CEP152: variants seen among roughly 807,000 people sequenced by gnomAD.
The protein encoded by CEP152 is centrosomal protein 152, also known as centrosomal protein of 152 kDa.
In CEP152, 132 loss-of-function variants were observed where a neutral mutation model predicts 188.9. The ratio of observed to expected loss-of-function variants is 0.70; its 90% confidence interval spans 0.61 to 0.81. The LOEUF (loss-of-function observed/expected upper bound fraction) is 0.81. CEP152 is among the 30% of genes least tolerant of loss of function. CEP152 has a pLI of 0.00. For synonymous variants in CEP152, 649 were observed against 666.6 expected, an observed-to-expected ratio of 0.97 and a Z score of 0.41; for missense variants, 1,914 against 1,969.8, an observed-to-expected ratio of 0.97 and a Z score of 0.54.
intron 6 of CEP152, 103 bp downstream of exon 6, chr15:48,795,907 T>C: frequency 9.3e-7 from 1 of 1,070,058 alleles, no homozygotes; most frequent in Middle Eastern, 2.1e-4. Context: ...TCTATTGTCA[T>C]ACTTAAAAAA....
At chr15:48,762,713 A>C (rs1282293271) in intron 17 of CEP152, 41 bp from the exon 18 acceptor site, 1 of 1,595,054 alleles carries the variant, frequency 6.3e-7, no homozygotes, top group African/African-American at 1.3e-5. Context: ...AACAATTTTC[A>C]AATAAGTAAA....
intron 9 of CEP152, among the ~76,000 whole-genome samples, chr15:48,787,700 T>G (rs1896752282): frequency 6.6e-6 from 1 of 152,162 alleles, no homozygotes; most frequent in South Asian, 2.1e-4. Flanking sequence ...CAAATCAGCA[T>G]GAATTTTAAG....
Position 48,762,510 on chromosome 15 carries a change from C to T in CEP152, c.2443G>A (p.Glu815Lys). 3 of 1,614,078 alleles carry T rather than the reference C, an allele frequency of 1.9e-6. No homozygotes were observed. The highest frequency in any genetic ancestry group is 2.5e-6 in the Non-Finnish European group (3 of 1,180,006). The part of the protein sequence containing the change: ...SKKEMAIMIE[E>K]QKCTIQQNLE... ...TTTTGCTGGATTGTGCACTTCTGCT[C>T]TTCTATCATAATTGCCATCTCTTTC... is the stretch of plus-strand genomic sequence containing the variant. Residue 815 changes from glutamate to lysine, a missense_variant, in exon 18 of 27, where the codon GAG (glutamate) becomes AAG (lysine). Transcript: ENST00000380950.
rs1895380553 is a variant in CEP152 at position 48,769,546 on chromosome 15, T to C, written c.1783-465A>G. 1.3e-5 allele frequency among the ~76,000 whole-genome samples: 2 copies of C among 152,232 alleles called. 1 individual carries two copies. The highest frequency in any genetic ancestry group is 4.1e-4 in the South Asian group (2 of 4,830). Reference sequence around the variant, plus strand: ...ATGTCAAGAACTGATATGTGCTCTTTGCAGGAGACACATGATATCACTATG... The same window carrying C: ...ATGTCAAGAACTGATATGTGCTCTTCGCAGGAGACACATGATATCACTATG... On this transcript the variant is annotated intron_variant, in intron 13 of 26. Coordinates refer to ENST00000380950, the MANE Select transcript of CEP152 (RefSeq NM_001194998.2).
At chr15:48,772,439 T>C in intron 13 of CEP152, 48 bp downstream of exon 13, 1 of 1,524,592 alleles carries the variant, frequency 6.6e-7, no homozygotes, top group Non-Finnish European at 9.0e-7. Context: ...AAGTTTTCTT[T>C]ATTGAGCCTT....
chr15:48,752,955 A>T (rs1893983302), intron 20 of CEP152, among the ~76,000 whole-genome samples: 1 of 152,356 alleles, frequency 6.6e-6, no homozygotes, highest in Admixed American at 6.5e-5. Flanking sequence ...ATGCTTCTAA[A>T]TACTTTAACA....
At chr15:48,737,834 A>G, downstream of CEP152, 1 of 170,384 alleles carries the variant, frequency 5.9e-6, no homozygotes, top group Non-Finnish European at 1.3e-5. Flanking sequence ...TCTGACTAAC[A>G]CATACAAATA....
intron 2 of CEP152, among the ~76,000 whole-genome samples, chr15:48,802,298 A>G (rs1156718781): frequency 6.6e-6 from 1 of 152,216 alleles, no homozygotes; most frequent in African/African-American, 2.4e-5. Context: ...GACAAGTATT[A>G]CCAGCAGCTC....
chr15:48,745,905 C>T (rs951878362), intron 22 of CEP152, among the ~76,000 whole-genome samples: 1 of 152,100 alleles, frequency 6.6e-6, no homozygotes, highest in Non-Finnish European at 1.5e-5. Flanking sequence ...TGCACAACAC[C>T]TACACAAGGC....
At chr15:48,769,126 T>A in intron 13 of CEP152, 45 bp from the exon 14 acceptor site, 1 of 1,505,324 alleles carries the variant, frequency 6.6e-7, no homozygotes, top group Non-Finnish European at 9.1e-7. Context: ...TAAAAAATTC[T>A]AAGTTTCACT....
intron 7 of CEP152, among the ~76,000 whole-genome samples, chr15:48,792,233 G>A (rs1214640675): frequency 2.0e-5 from 3 of 151,818 alleles, no homozygotes; most frequent in Non-Finnish European, 4.4e-5. Context: ...CGCGTGACCC[G>A]CCCTCCTTGA....
At chr15:48,740,994 G>T in intron 26 of CEP152, 1 of 970,878 alleles carries the variant, frequency 1.0e-6, no homozygotes, top group Non-Finnish European at 1.2e-6. Context: ...ACCCTCATAT[G>T]TGGAACAGTT....
intron 2 of CEP152, among the ~76,000 whole-genome samples, chr15:48,730,244 T>G (rs887712565): frequency 5.9e-5 from 9 of 152,106 alleles, no homozygotes; most frequent in Admixed American, 1.3e-4. Flanking sequence ...GTGGGCTCAC[T>G]TGATTTGGAG....
intron 24 of CEP152, among the ~76,000 whole-genome samples, chr15:48,743,621 G>T (rs1041660674): frequency 1.3e-5 from 2 of 152,180 alleles, no homozygotes; most frequent in Non-Finnish European, 2.9e-5. Context: ...CCAGCACTTT[G>T]CGAGGCCGAA....
intron 12 of CEP152, among the ~76,000 whole-genome samples, chr15:48,775,702 AAGTAGATT>A (rs1895847211): frequency 6.6e-6 from 1 of 152,148 alleles, no homozygotes; most frequent in African/African-American, 2.4e-5. Flanking sequence ...TAGAGACAGG[AAGTAGATT>A]AGTAGATTAG....
At chr15:48,756,864 A>G (rs1348781879) in intron 19 of CEP152, among the ~76,000 whole-genome samples, 1 of 152,160 alleles carries the variant, frequency 6.6e-6, no homozygotes, top group Non-Finnish European at 1.5e-5. Context: ...ACAATCTCAA[A>G]TTTTATCTGT....
chr15:48,757,910 A>T (rs746094398), intron 19 of CEP152, among the ~76,000 whole-genome samples: 7 of 152,220 alleles, frequency 4.6e-5, no homozygotes, highest in Non-Finnish European at 1.0e-4. Context: ...GATAGAGGTG[A>T]TGGATTCCAC....
chr15:48,740,397 A>G (rs1446027801), intron 26 of CEP152: 1 of 151,974 alleles, frequency 6.6e-6, no homozygotes, highest in African/African-American at 2.4e-5. Flanking sequence ...TAAAAACCCT[A>G]TTTGAAAGTT....
Position 48,739,216 on chromosome 15 carries a change from G to A in CEP152, c.4166C>T (p.Pro1389Leu). ...ATTTGATTTGCTTTCAATACAACAT[G>A]GTATTTTCTGATTCACATCATTTCT... is the stretch of plus-strand genomic sequence containing the variant. ...SKRNDVNQKI[P>L]CCIESKSNSV... Residue 1389 changes from proline to leucine, a missense_variant, in exon 27 of 27, where the codon CCA (proline) becomes CTA (leucine). Coordinates refer to ENST00000380950, the MANE Select transcript of CEP152 (RefSeq NM_001194998.2). 1 of 1,612,658 alleles carries A rather than the reference G, an allele frequency of 6.2e-7. No individual in the cohort carries two copies. Among genetic ancestry groups the A allele is most frequent in the African/African-American group, 1.3e-5 (1 of 74,912 alleles).
Sources: gnomAD v4.1 joint callset for allele counts (sites outside exome capture counted in the v4.1 genomes callset) on GRCh38, gnomAD v4.1.1 for gene constraint, MANE v1.5 for transcripts, NCBI Gene and HGNC (gene_info 2026-07-23, HGNC 2026-07-21) for gene names.